Variants in TPO observed in about 807,000 individuals in gnomAD.
The protein encoded by TPO is thyroid peroxidase, also known as thyroid microsomal antigen.
TPO carries 78 observed loss-of-function variants against 96.9 expected under a neutral mutation model. The ratio of observed to expected loss-of-function variants is 0.81; its 90% CI spans 0.67 to 0.97. The LOEUF (loss-of-function observed/expected upper bound fraction) is 0.97. Ranked by LOEUF, TPO falls within the 50% of genes least tolerant of loss-of-function variation. The pLI is 0.00. For synonymous variants in TPO, 547 were observed against 538.0 expected (o/e 1.02, Z -0.23); for missense variants, 1,252 against 1,274.8 (o/e 0.98, Z 0.27).
chr2:1,456,597 C>A (rs11694817), intron 7 of TPO, among the ~76,000 whole-genome samples: 3,158 of 28,372 alleles, frequency 0.11, 860 homozygotes, highest in East Asian at 0.43. Flanking sequence ...ATATAGCATG[C>A]ATGATAGTGT....
chr2:1,405,185 TCATCCATC>T lies in TPO; in HGVS notation n.180+30787_180+30794del, dbSNP rs1662231180. ...ATTATCCACCCACCCATCCACCCAT[TCATCCATC>T]CATTCATCCATCCACTCATTCATTC... On this transcript the variant is annotated intron_variant and non_coding_transcript_variant, in intron 1 of 5. Coordinates refer to the TPO transcript ENST00000497517. 4.0e-5 allele frequency among the ~76,000 whole-genome samples: 6 copies of T among 148,312 alleles called. No individual in the cohort carries two copies. In the South Asian group the frequency reaches 1.1e-3, roughly 26 times the overall value.
At chr2:1,523,897 C>A (rs1675793149) in intron 15 of TPO, among the ~76,000 whole-genome samples, 1 of 93,614 alleles carries the variant, frequency 1.1e-5, no homozygotes, top group South Asian at 4.2e-4. Context: ...TTGCTTAAAT[C>A]CCCCCAACTG....
intron 14 of TPO, 81 bp downstream of exon 14, chr2:1,504,160 C>T: frequency 6.2e-7 from 1 of 1,601,282 alleles, no homozygotes; most frequent in South Asian, 1.1e-5. Flanking sequence ...AGTTAGGCAA[C>T]TGTCAATCAC....
intron 1 of TPO, among the ~76,000 whole-genome samples, chr2:1,401,535 C>T (rs1485272868): frequency 6.6e-6 from 1 of 152,152 alleles, no homozygotes; most frequent in Non-Finnish European, 1.5e-5. Flanking sequence ...ACACTACCCA[C>T]CAGGCAGCTA....
chr2:1,448,358 C>T (rs13010957), intron 5 of TPO, among the ~76,000 whole-genome samples: 2 of 152,234 alleles, frequency 1.3e-5, no homozygotes, highest in African/African-American at 2.4e-5. Flanking sequence ...TTCCTCTTCC[C>T]TGAGCCTCTG....
chr2:1,409,142 C>T (rs1662290234), upstream of TPO, among the ~76,000 whole-genome samples: 1 of 152,130 alleles, frequency 6.6e-6, no homozygotes, highest in African/African-American at 2.4e-5. Context: ...ACTGCCGTCC[C>T]CAGAGTCCAT....
chr2:1,395,341 C>G (rs1158542602), intron 1 of TPO, among the ~76,000 whole-genome samples: 2 of 152,140 alleles, frequency 1.3e-5, no homozygotes, highest in Non-Finnish European at 2.9e-5. Flanking sequence ...TTTATACACA[C>G]TAATATTCTT....
chr2:1,515,309 C>T (rs1415921145), intron 14 of TPO, among the ~76,000 whole-genome samples: 4 of 152,172 alleles, frequency 2.6e-5, no homozygotes, highest in African/African-American at 9.7e-5. Context: ...CCAGGGCCAG[C>T]AAGCAGCTCT....
In TPO at chr2:1,460,201, G is replaced by T. The variant is rs553408782; in HGVS notation, c.819+3919G>T. Among the ~76,000 whole-genome samples the T allele has an allele frequency of 2.0e-5, 3 of 152,226 alleles. No homozygotes were observed. The East Asian group carries it at 5.8e-4, about 29-fold the overall frequency. ...TCTGCCCACCTTGGCATCCCAAAGT[G>T]CTGGGATTACAGGTATGAGCCACTG... On this transcript the variant is annotated intron_variant, in intron 7 of 16. Transcript: ENST00000329066.
rs191240274 is a variant in TPO at position 1,390,164 on chromosome 2, C to T, written n.180+15762C>T. On this transcript the variant is annotated intron_variant and non_coding_transcript_variant, in intron 1 of 5. Transcript: ENST00000497517. Reference sequence around the variant, plus strand: ...AGGTATTTCTCCTAATGCTATCCCCCCCCAGCTCCCCAGCCTCTGACAGGC... The same window carrying T: ...AGGTATTTCTCCTAATGCTATCCCCTCCCAGCTCCCCAGCCTCTGACAGGC... 2.7e-3 allele frequency among the ~76,000 whole-genome samples: 417 copies of T among 152,184 alleles called. 6 individuals are homozygous for T. The highest frequency in any genetic ancestry group is 0.02 in the Admixed American group (307 of 15,288).
intron 6 of TPO, among the ~76,000 whole-genome samples, chr2:1,455,625 T>C (rs1239375140): frequency 6.6e-6 from 1 of 152,060 alleles, no homozygotes; most frequent in Non-Finnish European, 1.5e-5. Flanking sequence ...GGGGAGTCAC[T>C]CCTCCCAACC....
Position 1,497,459 on chromosome 2 carries a change from C to T in TPO, c.2386+694C>T, listed in dbSNP as rs553634075. On this transcript the variant is annotated intron_variant, in intron 13 of 16. Transcript: ENST00000329066. The stretch of plus-strand genomic sequence containing the variant: ...CGGGGAACAGCAGAATGAGAGTCCC[C>T]ATCTGACTGTTCTGAGGCAGAGCCC... Among the ~76,000 whole-genome samples, 13 of 152,294 alleles carry T rather than the reference C, an allele frequency of 8.5e-5. No individual in the cohort carries two copies. In the East Asian group the frequency reaches 2.5e-3, roughly 29 times the overall value.
At chr2:1,384,071 G>A (rs572985830) in intron 1 of TPO, among the ~76,000 whole-genome samples, 1 of 152,138 alleles carries the variant, frequency 6.6e-6, no homozygotes. Context: ...TGTTCCATTG[G>A]TCTATATCTC....
At chr2:1,537,098 G>GTGTGCAACCTCCCTAGATCCCCCCTA in intron 15 of TPO, among the ~76,000 whole-genome samples, 1 of 54,214 alleles carries the variant, frequency 1.8e-5, no homozygotes, top group South Asian at 6.2e-4. Flanking sequence ...TCCGTCCACT[G>GTGTGCAACCTCCCTAGATCCCCCCTA]TGTGCAACCT....
chr2:1,462,523 C>CAA (rs1668541997), intron 7 of TPO, among the ~76,000 whole-genome samples: 1 of 146,520 alleles, frequency 6.8e-6, no homozygotes, highest in African/African-American at 2.6e-5. Context: ...GGTAAACACA[C>CAA]ACACACACAC....
In TPO at chr2:1,487,939, C is replaced by T; in HGVS notation, c.1716C>T (p.Thr572=). Residue 572 remains threonine, a synonymous_variant, in exon 10 of 17, where the codon ACC becomes ACT. Coordinates refer to ENST00000329066, the MANE Select transcript of TPO (RefSeq NM_001206744.2). ...ERLFVLSNSS[T]LDLASINLQR... Reference sequence around the variant, plus strand: ...TCTTTGTGCTGTCCAATTCCAGCACCTTGGATCTGGCGTCCATCAACCTGC... The same window carrying T: ...TCTTTGTGCTGTCCAATTCCAGCACTTTGGATCTGGCGTCCATCAACCTGC... The T allele has an allele frequency of 1.9e-6, 3 of 1,614,126 alleles. No individual in the cohort carries two copies. The highest frequency in any genetic ancestry group is 2.5e-6 in the Non-Finnish European group (3 of 1,180,032).
chr2:1,512,993 C>T (rs114310290), intron 14 of TPO, among the ~76,000 whole-genome samples: 2,264 of 152,348 alleles, frequency 0.015, 64 homozygotes, highest in African/African-American at 0.052. Context: ...AGGCCACACA[C>T]GTCCCTGATG....
rs149383046 is a variant in TPO at position 1,381,007 on chromosome 2, G to T, written n.180+6605G>T. 4.7e-4 allele frequency among the ~76,000 whole-genome samples: 71 copies of T among 152,252 alleles called. No individual in the cohort carries two copies. The East Asian group carries it at 0.013, about 28-fold the overall frequency. The stretch of plus-strand genomic sequence containing the variant: ...ATGCACTTTAATTTCTGATTTCTGG[G>T]GCACATGTGCTGAACGTGCAGGTTT... On this transcript the variant is annotated intron_variant and non_coding_transcript_variant, in intron 1 of 5. Coordinates refer to the TPO transcript ENST00000497517.
Position 1,494,023 on chromosome 2 carries a change from C to T in TPO, c.1990C>T (p.Leu664=), listed in dbSNP as rs1202599787. 1.2e-6 allele frequency: 2 copies of T among 1,614,136 alleles called. No homozygotes were observed. Among genetic ancestry groups the T allele is most frequent in the Non-Finnish European group, 1.7e-6 (2 of 1,180,024 alleles). The change falls in exon 11 of 17, where the codon CTG becomes TTG. Residue 664 remains leucine, a synonymous_variant. Transcript: ENST00000329066. ...ACLIGKQMKA[L]RDGDWFWWEN... is the part of the protein sequence containing the mutation. ...TCTCATTGGGAAGCAGATGAAGGCT[C>T]TGCGGGACGGTGACTGGTACGTTCC...
Sources: allele counts gnomAD v4.1 joint callset (sites outside exome capture counted in the v4.1 genomes callset), GRCh38; gene constraint gnomAD v4.1.1; transcripts MANE v1.5; gene names NCBI Gene and HGNC (gene_info 2026-07-23, HGNC 2026-07-21).